DMPK: variants seen among roughly 807,000 people sequenced by gnomAD.
The protein encoded by DMPK is DM1 protein kinase.
Under a neutral mutation model 70.3 loss-of-function variants are expected in DMPK, and 32 were observed. The ratio of observed to expected loss-of-function variants is 0.46; its 90% CI spans 0.34 to 0.61. The LOEUF (loss-of-function observed/expected upper bound fraction) is 0.61. DMPK is among the 20% of genes least tolerant of loss of function. DMPK has a pLI of 0.01. For synonymous variants in DMPK, 469 were observed against 390.9 expected, an observed-to-expected ratio of 1.20 and a Z score of -2.36; for missense variants, 899 against 886.0, an observed-to-expected ratio of 1.01 and a Z score of -0.19.
chr19:45,770,597 A>T lies in DMPK; in HGVS notation c.1781T>A (p.Phe594Tyr). 49 of 1,552,934 alleles carry T rather than the reference A, an allele frequency of 3.2e-5. No homozygotes were observed. The highest frequency in any genetic ancestry group is 4.3e-5 in the Non-Finnish European group (49 of 1,148,268). Residue 594 changes from phenylalanine to tyrosine, a missense_variant, in exon 15 of 15, where the codon TTC (phenylalanine) becomes TAC (tyrosine). Transcript: ENST00000291270. ...GLSEALSLLLFAVVLSRAAAL... is the reference protein window; with the variant it reads ...GLSEALSLLLYAVVLSRAAAL... ...GGCGGCACGAGACAGAACAACGGCG[A>T]ACAGGAGCAGGGAAAGCGCCTCCGA...
intron 1 of DMPK, chr19:45,780,135 T>TAG: frequency 1.4e-6 from 2 of 1,439,382 alleles, no homozygotes; most frequent in Non-Finnish European, 1.8e-6. Flanking sequence ...GCAGGATGGT[T>TAG]AGGGTGGGGT....
rs563233712 is a variant in DMPK, at chr19:45,777,312, G to A, written c.1146+15C>T. On this transcript the variant is annotated intron_variant, in intron 8 of 14. Coordinates refer to ENST00000291270, the MANE Select transcript of DMPK (RefSeq NM_004409.5). The surrounding 1 kb of genome is among the most constrained non-coding windows in gnomAD (Gnocchi z 6.7). ...GGGAGGTTCCCGCAGCCGAGCAGGGGCCACAGGTACCTACCCCGCCCCCGC... is the reference window on the plus strand; with the variant it reads ...GGGAGGTTCCCGCAGCCGAGCAGGGACCACAGGTACCTACCCCGCCCCCGC... 1.9e-6 allele frequency: 3 copies of A among 1,549,044 alleles called. No homozygotes were observed. Among genetic ancestry groups the A allele is most frequent in the African/African-American group, 1.4e-5 (1 of 73,272 alleles).
intron 4 of DMPK, 188 bp from the exon 5 acceptor site, chr19:45,778,829 A>AC: frequency 3.2e-6 from 1 of 313,588 alleles, no homozygotes; most frequent in South Asian, 5.5e-5. Flanking sequence ...CCCGCCCCTC[A>AC]AAAAAAAACA....
intron 1 of DMPK, among the ~76,000 whole-genome samples, chr19:45,781,283 G>C (rs1042355206): frequency 2.1e-4 from 32 of 152,220 alleles, no homozygotes; most frequent in Admixed American, 1.6e-3. Flanking sequence ...GGGAATGAAA[G>C]AAACCAGTGA....
At chr19:45,770,839 G>A (rs1969363200) in intron 14 of DMPK, 132 bp downstream of exon 14, 4 of 969,128 alleles carry the variant, frequency 4.1e-6, no homozygotes, top group Admixed American at 3.0e-5. Flanking sequence ...AGCGGCCTGT[G>A]TTGATTGGCT....
intron 11 of DMPK, 22 bp downstream of exon 11, chr19:45,771,749 C>A (rs1425437623): frequency 6.3e-7 from 1 of 1,587,172 alleles, no homozygotes. Flanking sequence ...ATCCCGGCCC[C>A]GGCCCCGGCC....
At chr19:45,771,533 G>C (rs1461149403) in intron 12 of DMPK, 35 bp downstream of exon 12, 3 of 1,613,172 alleles carry the variant, frequency 1.9e-6, no homozygotes, top group African/African-American at 1.3e-5. Flanking sequence ...ACCTCCTCCC[G>C]GTCCTCCGGG....
At chr19:45,780,540 T>C in intron 1 of DMPK, 1 of 1,054,000 alleles carries the variant, frequency 9.5e-7, no homozygotes, top group Non-Finnish European at 1.2e-6. Flanking sequence ...GTCAAGGTCC[T>C]ATGACTAGGA....
At chr19:45,771,424 C>T (rs781600764) in intron 12 of DMPK, 28 bp from the exon 13 acceptor site, 42 of 1,611,178 alleles carry the variant, frequency 2.6e-5, no homozygotes, top group Non-Finnish European at 3.2e-5. Context: ...AGGCATAGGG[C>T]GCGTGGAGGG....
chr19:45,777,842 T>A lies in DMPK; in HGVS notation c.707A>T (p.Asp236Val). Residue 236 changes from aspartate (D) to valine (V), a missense_variant, in exon 7 of 15, where the codon GAC (aspartate) becomes GTC (valine). Physicochemically the swap from Asp to Val is radical, Grantham distance 152. Transcript: ENST00000291270. This position sits in a 1 kb window ranked among gnomAD's most constrained non-coding sequence, Gnocchi z 6.7. ...VRSLVAVGTP[D>V]YLSPEILQAV... The stretch of plus-strand genomic sequence containing the variant: ...CTGCAGGATCTCGGGGGACAGGTAG[T>A]CTGGGGTGCCCACAGCCACCAGCGA... The A allele has an allele frequency of 6.2e-7, 1 of 1,610,922 alleles. No individual in the cohort carries two copies. The highest frequency in any genetic ancestry group is 1.1e-5 in the South Asian group (1 of 91,066).
chr19:45,780,477 G>GT, intron 1 of DMPK: 2 of 1,213,944 alleles, frequency 1.6e-6, no homozygotes, highest in Non-Finnish European at 2.1e-6. Context: ...TCCTCCAGGA[G>GT]GAGTGCTTTA....
intron 8 of DMPK, chr19:45,775,414 C>T: frequency 1.6e-5 from 1 of 63,674 alleles, no homozygotes; most frequent in African/African-American, 5.9e-5. Flanking sequence ...AGTGATCCGC[C>T]TACCTCAGCT....
intron 4 of DMPK, chr19:45,778,862 A>T (rs1282211961): frequency 3.6e-6 from 2 of 555,672 alleles, no homozygotes; most frequent in Non-Finnish European, 6.3e-6. Flanking sequence ...CTTTCCTGGG[A>T]TGTCACTGGG....
At chr19:45,779,624 C>G (rs1353905594) in intron 2 of DMPK, 102 bp from the exon 3 acceptor site, 1 of 1,560,334 alleles carries the variant, frequency 6.4e-7, no homozygotes, top group Non-Finnish European at 8.7e-7. Flanking sequence ...GGCCCCGCCC[C>G]ACCTGCCACA....
intron 1 of DMPK, chr19:45,780,715 T>G (rs1970065464): frequency 1.4e-6 from 1 of 696,144 alleles, no homozygotes; most frequent in African/African-American, 1.9e-5. Flanking sequence ...GACAGTGGGT[T>G]CTGGAGGAAA....
rs761253611 is a variant in DMPK at position 45,770,985 on chromosome 19, G to A, written c.1723C>T (p.Leu575=). The A allele has an allele frequency of 6.0e-5, 86 of 1,434,686 alleles. No homozygotes were observed. The African/African-American group carries it at 1.1e-3, about 18-fold the overall frequency. 88.9% of individuals were successfully genotyped at this position (1,434,686 alleles called of 1,614,324 possible). ...GCCGGACGTACCCTGGCAGGGAGCA[G>A]CAGGTGGCGGCGGTGCATGGGGCCT... The part of the protein sequence containing the change: ...GPGPMHRRHL[L]LPARVPRPGL... Residue 575 remains leucine, a synonymous_variant, in exon 14 of 15, where the codon CTG becomes TTG. Coordinates refer to ENST00000291270, the MANE Select transcript of DMPK (RefSeq NM_004409.5).
chr19:45,770,588 A>T lies in DMPK; in HGVS notation c.1790T>A (p.Val597Asp), dbSNP rs201332435. The change falls in exon 15 of 15, where the codon GTT (valine) becomes GAT (aspartate). Residue 597 changes from valine to aspartate, a missense_variant. Coordinates refer to ENST00000291270, the MANE Select transcript of DMPK (RefSeq NM_004409.5). ...EALSLLLFAV[V>D]LSRAAALGCI... The stretch of plus-strand genomic sequence containing the variant: ...GCCCAGGGCGGCGGCACGAGACAGA[A>T]CAACGGCGAACAGGAGCAGGGAAAG... 1.2e-4 allele frequency: 189 copies of T among 1,552,486 alleles called. 2 individuals are homozygous for T. The East Asian group carries it at 3.8e-3, about 31-fold the overall frequency.
chr19:45,773,066 C>T (rs1287080279), intron 9 of DMPK, among the ~76,000 whole-genome samples: 1 of 152,212 alleles, frequency 6.6e-6, no homozygotes, highest in Non-Finnish European at 1.5e-5. Flanking sequence ...CCGCTGCAGA[C>T]CCCTCTTCTC....
At chr19:45,780,623 G>A in intron 1 of DMPK, 2 of 1,009,302 alleles carry the variant, frequency 2.0e-6, no homozygotes, top group Non-Finnish European at 2.4e-6. Context: ...GTGGGGACAG[G>A]GAGGCCTGGA....
Sources: gnomAD v4.1 joint callset for allele counts (sites outside exome capture counted in the v4.1 genomes callset) on GRCh38, gnomAD v4.1.1 for gene constraint, Gnocchi (gnomAD v3.1) non-coding constraint, MANE v1.5 for transcripts, NCBI Gene and HGNC (gene_info 2026-07-23, HGNC 2026-07-21) for gene names.